The following TAX1BP1 variants were observed in gnomAD, a reference collection of about 807,000 sequenced individuals.
TAX1BP1 encodes Tax1 binding protein 1, also known as tax1-binding protein 1.
TAX1BP1 carries 62 observed loss-of-function variants against 97.7 expected under a neutral mutation model. The ratio of observed to expected loss-of-function variants is 0.63; its 90% CI spans 0.52 to 0.78. TAX1BP1 has a LOEUF of 0.78. Among genes scored for constraint, TAX1BP1 ranks in the 30% least tolerant of loss-of-function variants. The probability of loss-of-function intolerance (pLI) is 0.00; values close to 1 mark genes in which losing one functional copy is unlikely to be tolerated. For synonymous variants in TAX1BP1, 340 were observed against 304.2 expected, an observed-to-expected ratio of 1.12 and a Z score of -1.23; for missense variants, 867 against 916.1, an observed-to-expected ratio of 0.95 and a Z score of 0.69.
chr7:27,771,476 C>CAT (rs1418582146), intron 5 of TAX1BP1, among the ~76,000 whole-genome samples: 15 of 151,508 alleles, frequency 9.9e-5, no homozygotes, highest in Non-Finnish European at 1.5e-4. Context: ...TGTGAAATTA[C>CAT]ATATATATAT....
At chr7:27,750,191 C>A (rs1435271117) in intron 2 of TAX1BP1, among the ~76,000 whole-genome samples, 1 of 152,080 alleles carries the variant, frequency 6.6e-6, no homozygotes, top group Non-Finnish European at 1.5e-5. Flanking sequence ...AGGAAGAAAA[C>A]AGAAATGTGA....
chr7:27,827,942 C>T, intron 16 of TAX1BP1, 122 bp downstream of exon 16: 2 of 744,946 alleles, frequency 2.7e-6, no homozygotes, highest in South Asian at 1.9e-5. Context: ...ACCAGAAACA[C>T]CAGGCGTAGG....
intron 8 of TAX1BP1, among the ~76,000 whole-genome samples, chr7:27,788,948 G>C (rs1200911706): frequency 6.6e-6 from 1 of 151,916 alleles, no homozygotes; most frequent in Non-Finnish European, 1.5e-5. Flanking sequence ...CTCCAATTCA[G>C]ATTTAGTACC....
At chr7:27,788,869 T>C (rs937397730) in intron 8 of TAX1BP1, among the ~76,000 whole-genome samples, 2 of 152,034 alleles carry the variant, frequency 1.3e-5, no homozygotes, top group South Asian at 4.1e-4. Flanking sequence ...AACTGGATCC[T>C]ATTGCTACTA....
chr7:27,807,231 G>A (rs1430115342), intron 13 of TAX1BP1, among the ~76,000 whole-genome samples: 1 of 152,120 alleles, frequency 6.6e-6, no homozygotes, highest in Non-Finnish European at 1.5e-5. Flanking sequence ...GTACAAGGAT[G>A]TTCTTTCAGC....
At chr7:27,818,159 A>G (rs189410889) in intron 15 of TAX1BP1, among the ~76,000 whole-genome samples, 41 of 152,230 alleles carry the variant, frequency 2.7e-4, no homozygotes, top group African/African-American at 9.6e-4. Context: ...TTCCGTAGTC[A>G]TCTGCTTCAG....
chr7:27,764,126 A>G (rs1583680460), intron 3 of TAX1BP1, among the ~76,000 whole-genome samples: 1 of 152,180 alleles, frequency 6.6e-6, no homozygotes, highest in Non-Finnish European at 1.5e-5. Flanking sequence ...TGGTACATTT[A>G]TTTAAGAAAC....
In TAX1BP1 at chr7:27,769,681, A is replaced by T; in HGVS notation, c.459A>T (p.Lys153Asn). ...CTGAGTTTTTTGCTTTATAGTTGAA[A>T]ATTGAGAAAACCATGAAAGAAAAAG... ...VTTKAGLLEL[K>N]IEKTMKEKEE... Residue 153 changes from lysine (K) to asparagine (N), a missense_variant, in exon 5 of 17, where the codon AAA becomes AAT. Lys to Asn is a moderately conservative substitution (Grantham distance 94). This residue lies in a region of TAX1BP1 where 822 missense variants were observed against 851.4 expected (regional missense o/e 0.97). Transcript: ENST00000396319. 1.2e-6 allele frequency: 2 copies of T among 1,602,460 alleles called. No homozygotes were observed. The highest frequency in any genetic ancestry group is 1.7e-6 in the Non-Finnish European group (2 of 1,176,210).
chr7:27,817,071 C>CT (rs1790799015), intron 15 of TAX1BP1, 33 bp downstream of exon 15: 1 of 1,585,924 alleles, frequency 6.3e-7, no homozygotes, highest in East Asian at 2.2e-5. Flanking sequence ...GAGCCTGTCC[C>CT]TTTTTTATTT....
chr7:27,771,480 T>C (rs767028611), intron 5 of TAX1BP1, among the ~76,000 whole-genome samples: 10 of 151,844 alleles, frequency 6.6e-5, no homozygotes, highest in Non-Finnish European at 1.2e-4. Flanking sequence ...AAATTACATA[T>C]ATATATACAC....
chr7:27,770,106 T>C (rs187701892), intron 5 of TAX1BP1, among the ~76,000 whole-genome samples: 36 of 152,220 alleles, frequency 2.4e-4, no homozygotes, highest in Non-Finnish European at 4.3e-4. Flanking sequence ...TTACATCTAA[T>C]TGTAGAATAC....
intron 13 of TAX1BP1, among the ~76,000 whole-genome samples, chr7:27,800,827 A>G (rs974859832): frequency 6.6e-6 from 1 of 152,050 alleles, no homozygotes; most frequent in Non-Finnish European, 1.5e-5. Flanking sequence ...AGAGAAGGTC[A>G]GGCATGATGG....
intron 8 of TAX1BP1, among the ~76,000 whole-genome samples, chr7:27,788,254 A>T (rs1447496690): frequency 6.6e-6 from 1 of 152,064 alleles, no homozygotes; most frequent in Admixed American, 6.5e-5. Context: ...TGTTGGAGTC[A>T]TATCAAAAGT....
At chr7:27,794,757 G>A (rs993586220) in intron 11 of TAX1BP1, among the ~76,000 whole-genome samples, 6 of 152,228 alleles carry the variant, frequency 3.9e-5, no homozygotes, top group Non-Finnish European at 7.4e-5. Context: ...GCCACGAATT[G>A]AATTTTTACT....
intron 15 of TAX1BP1, among the ~76,000 whole-genome samples, chr7:27,822,450 GC>G (rs1447020131): frequency 1.3e-5 from 2 of 152,152 alleles, no homozygotes; most frequent in Non-Finnish European, 2.9e-5. Context: ...TTGAAAAACT[GC>G]CCGATTGTTT....
intron 9 of TAX1BP1, 74 bp downstream of exon 9, chr7:27,792,304 TTAAGA>T (rs1206304691): frequency 6.0e-6 from 8 of 1,336,668 alleles, no homozygotes; most frequent in Admixed American, 4.2e-5. Flanking sequence ...GTAAATTGTG[TTAAGA>T]TAAGACAGGT....
intron 15 of TAX1BP1, among the ~76,000 whole-genome samples, chr7:27,825,786 A>G (rs1276348119): frequency 6.6e-6 from 1 of 152,208 alleles, no homozygotes; most frequent in African/African-American, 2.4e-5. Context: ...GCTGTTAGCT[A>G]TTATAAAACA....
chr7:27,792,971 A>G, intron 9 of TAX1BP1, 95 bp from the exon 10 acceptor site: 1 of 1,231,580 alleles, frequency 8.1e-7, no homozygotes, highest in Non-Finnish European at 1.1e-6. Flanking sequence ...CAAAAACAAA[A>G]AAAAGAAAAA....
At chr7:27,797,546 A>G (rs1327837403) in intron 12 of TAX1BP1, among the ~76,000 whole-genome samples, 1 of 152,028 alleles carries the variant, frequency 6.6e-6, no homozygotes, top group Non-Finnish European at 1.5e-5. Context: ...AAATTTACAC[A>G]TTAGCTTCAT....
Sources: gnomAD v4.1 joint callset for allele counts (sites outside exome capture counted in the v4.1 genomes callset) on GRCh38, gnomAD v4.1.1 for gene constraint, gnomAD v4.1.1 regional missense constraint, MANE v1.5 for transcripts, NCBI Gene and HGNC (gene_info 2026-07-23, HGNC 2026-07-21) for gene names.